CAVIN4: variants seen among roughly 807,000 people sequenced by gnomAD.
CAVIN4 encodes the protein caveolae associated protein 4.
A neutral mutation model predicts 18.6 loss-of-function variants in CAVIN4; 10 were observed. The observed-to-expected ratio is 0.54, with a 90% CI of 0.33 to 0.91. The LOEUF is 0.91. Ranked by LOEUF, CAVIN4 falls within the 40% of genes least tolerant of loss-of-function variation. The pLI is 0.02. For missense variants in CAVIN4, 459 were observed against 440.5 expected (o/e 1.04, Z -0.38); for synonymous variants, 173 against 164.8 (o/e 1.05, Z -0.38).
intron 1 of CAVIN4, among the ~76,000 whole-genome samples, chr9:100,580,124 C>T (rs1271894565): frequency 6.6e-6 from 1 of 151,318 alleles, no homozygotes; most frequent in Admixed American, 6.6e-5. Context: ...GTGGCAAAAC[C>T]CTGTCTCTAC....
chr9:100,578,151 A>G lies in CAVIN4; in HGVS notation c.8A>G (p.His3Arg). Residue 3 changes from histidine (H) to arginine (R), a missense_variant, in exon 1 of 2, where the codon CAT becomes CGT. Transcript: ENST00000307584. ME[H>R]NGSASNADKI... ...CGCTGAGAAATAAATAAAATGGAAC[A>G]TAATGGGTCTGCTTCAAATGCTGAT... The G allele has an allele frequency of 1.9e-6, 3 of 1,613,932 alleles. No individual in the cohort carries two copies. The highest frequency in any genetic ancestry group is 1.3e-5 in the African/African-American group (1 of 75,040).
chr9:100,588,018 C>G lies in CAVIN4; in HGVS notation c.*1567C>G, dbSNP rs765850646. On this transcript the variant is annotated 3_prime_UTR_variant, in exon 2 of 2. Transcript: ENST00000307584. ...TGTTGAATTTGAAGAGTTGGGACAA[C>G]GATCAGCTATCCCACTTTTTTTCTC... 1 of 152,202 alleles carries G rather than the reference C, an allele frequency of 6.6e-6. No homozygotes were observed. The highest frequency in any genetic ancestry group is 1.5e-5 in the Non-Finnish European group (1 of 68,034). 9.4% of individuals were successfully genotyped at this position (152,202 alleles called of 1,614,324 possible). A position where few individuals can be genotyped will look rare whatever the true frequency, so the allele number is the denominator to read the frequency against.
intron 1 of CAVIN4, among the ~76,000 whole-genome samples, chr9:100,580,041 CT>C (rs950105645): frequency 2.0e-5 from 3 of 151,554 alleles, no homozygotes; most frequent in African/African-American, 7.3e-5. Flanking sequence ...TATCATTTCC[CT>C]TTCCTTTCAT....
intron 1 of CAVIN4, among the ~76,000 whole-genome samples, chr9:100,580,582 T>G (rs755468912): frequency 6.6e-6 from 1 of 152,260 alleles, no homozygotes; most frequent in Non-Finnish European, 1.5e-5. Flanking sequence ...ATTGACTCTG[T>G]TGATTGACAT....
chr9:100,578,609 C>T, intron 1 of CAVIN4, 58 bp downstream of exon 1: 1 of 1,542,732 alleles, frequency 6.5e-7, no homozygotes, highest in Non-Finnish European at 8.9e-7. Context: ...TTTTAATTGC[C>T]AAAAGTCATA....
chr9:100,578,065 C>A, upstream of CAVIN4: 1 of 1,459,820 alleles, frequency 6.9e-7, no homozygotes, highest in Non-Finnish European at 9.5e-7. Context: ...AACCCTGTTG[C>A]CTGTTATCAA....
At chr9:100,579,853 T>C (rs1021004015) in intron 1 of CAVIN4, among the ~76,000 whole-genome samples, 1 of 152,180 alleles carries the variant, frequency 6.6e-6, no homozygotes, top group African/African-American at 2.4e-5. Context: ...TGGCATTCTT[T>C]ACACATTAGG....
At chr9:100,578,058 C>G (rs539475510), upstream of CAVIN4, 9 of 1,393,902 alleles carry the variant, frequency 6.5e-6, no homozygotes, top group African/African-American at 1.4e-5. Context: ...TTTAAACAAC[C>G]CTGTTGCCTG....
At chr9:100,578,621 C>G in intron 1 of CAVIN4, 70 bp downstream of exon 1, 1 of 1,427,658 alleles carries the variant, frequency 7.0e-7, no homozygotes, top group South Asian at 1.2e-5. Flanking sequence ...AAAGTCATAT[C>G]AGAGGTTTCC....
chr9:100,586,179 A>C lies in CAVIN4; in HGVS notation c.823A>C (p.Arg275=). The C allele has an allele frequency of 1.9e-6, 3 of 1,559,882 alleles. No homozygotes were observed. The highest frequency in any genetic ancestry group is 1.7e-6 in the Non-Finnish European group (2 of 1,156,204). ...SKEAFKMRSL[R]KGKDRTVAEG... is the part of the protein sequence containing the mutation. The stretch of plus-strand genomic sequence containing the variant: ...GGAAGCTTTTAAGATGCGCAGCCTC[A>C]GGAAAGGTAAGGACCGAACAGTGGC... Residue 275 remains arginine (R), a synonymous_variant, in exon 2 of 2, where the codon AGG becomes CGG. Coordinates refer to ENST00000307584, the MANE Select transcript of CAVIN4 (RefSeq NM_001018116.2).
chr9:100,586,308 G>T lies in CAVIN4; in HGVS notation c.952G>T (p.Glu318Ter). 3 of 1,613,646 alleles carry T rather than the reference G, an allele frequency of 1.9e-6. No homozygotes were observed. The highest frequency in any genetic ancestry group is 2.2e-5 in the East Asian group (1 of 44,868). ...CTACTCTGATGAGCTCAGTGAACCA[G>T]AACACGAGGCAGCCAGGCCGGTGTA... is the stretch of plus-strand genomic sequence containing the variant. ...ELYSDELSEPEHEAARPVYPP... is the reference protein window; with the variant it reads ...ELYSDELSEP The change falls in exon 2 of 2, where the codon GAA (glutamate) becomes TAA (stop). Residue 318 changes from glutamate (E) to a stop codon, truncating the protein, a stop_gained. Coordinates refer to ENST00000307584, the MANE Select transcript of CAVIN4 (RefSeq NM_001018116.2). LOFTEE classifies it high-confidence loss of function.
chr9:100,580,188 TTAGGAGGCTGAGG>T (rs1480090890), intron 1 of CAVIN4, among the ~76,000 whole-genome samples: 1 of 151,966 alleles, frequency 6.6e-6, no homozygotes, highest in Non-Finnish European at 1.5e-5. Context: ...TCCCTGCTAC[TTAGGAGGCTGAGG>T]TGGGAGGGTC....
intron 1 of CAVIN4, among the ~76,000 whole-genome samples, chr9:100,580,376 TGTA>T (rs1305882393): frequency 1.3e-5 from 2 of 152,194 alleles, no homozygotes; most frequent in East Asian, 1.9e-4. Flanking sequence ...TAGTGGGAAA[TGTA>T]GTATCCATTC....
upstream of CAVIN4, chr9:100,576,941 A>G (rs1310568637): frequency 1.7e-5 from 3 of 175,318 alleles, no homozygotes; most frequent in Admixed American, 1.2e-4. Context: ...GCAAATGACC[A>G]AGCATGAACT....
chr9:100,583,764 A>G (rs1479413245), intron 1 of CAVIN4, among the ~76,000 whole-genome samples: 1 of 152,086 alleles, frequency 6.6e-6, no homozygotes, highest in African/African-American at 2.4e-5. Flanking sequence ...CTCTTGCCTC[A>G]GCCTCCCGAG....
intron 1 of CAVIN4, among the ~76,000 whole-genome samples, chr9:100,583,556 A>C (rs1839447852): frequency 6.6e-6 from 1 of 152,078 alleles, no homozygotes; most frequent in African/African-American, 2.4e-5. Context: ...CCCTGTTTTC[A>C]ACAGAGTGAT....
chr9:100,578,562 A>C lies in CAVIN4; in HGVS notation c.408+11A>C, dbSNP rs906150204. On this transcript the variant is annotated intron_variant, in intron 1 of 1. Coordinates refer to ENST00000307584, the MANE Select transcript of CAVIN4 (RefSeq NM_001018116.2). ...GTGGTAATATTCCAGGTAAGCTTGCACTTGTGTTCAGCTTGCTTGTTCTAA... is the reference window on the plus strand; with the variant it reads ...GTGGTAATATTCCAGGTAAGCTTGCCCTTGTGTTCAGCTTGCTTGTTCTAA... 1 of 1,612,412 alleles carries C rather than the reference A, an allele frequency of 6.2e-7. No homozygotes were observed. Among genetic ancestry groups the C allele is most frequent in the African/African-American group, 1.3e-5 (1 of 74,908 alleles).
In CAVIN4 at chr9:100,585,788, C is replaced by T; in HGVS notation, c.432C>T (p.Ser144=). Reference sequence around the variant, plus strand: ...AGGAGAAGTTTCGGTGTCCGACATCCCTGTCTGTTGTTAAAGACAGAAACC... The same window carrying T: ...AGGAGAAGTTTCGGTGTCCGACATCTCTGTCTGTTGTTAAAGACAGAAACC... ...IFQEKFRCPT[S]LSVVKDRNLT... is the part of the protein sequence containing the mutation. The change falls in exon 2 of 2, where the codon TCC becomes TCT. Residue 144 remains serine (S), a synonymous_variant. Transcript: ENST00000307584. The T allele has an allele frequency of 6.2e-7, 1 of 1,614,012 alleles. No homozygotes were observed. The highest frequency in any genetic ancestry group is 8.5e-7 in the Non-Finnish European group (1 of 1,179,964).
At chr9:100,583,041 G>A (rs968139834) in intron 1 of CAVIN4, among the ~76,000 whole-genome samples, 1 of 152,026 alleles carries the variant, frequency 6.6e-6, no homozygotes, top group African/African-American at 2.4e-5. Context: ...AACACACCTT[G>A]GTGCCAAGGA....
Sources: allele counts gnomAD v4.1 joint callset (sites outside exome capture counted in the v4.1 genomes callset), GRCh38; gene constraint gnomAD v4.1.1; transcripts MANE v1.5; gene names NCBI Gene and HGNC (gene_info 2026-07-23, HGNC 2026-07-21).